HAL: variants seen among roughly 807,000 people sequenced by gnomAD.
HAL encodes the protein histidase.
Under a neutral mutation model 81.1 loss-of-function variants are expected in HAL, and 85 were observed. The ratio of observed to expected loss-of-function variants is 1.05; its 90% confidence interval spans 0.88 to 1.25. The LOEUF (loss-of-function observed/expected upper bound fraction) is 1.25. Among genes scored for constraint, HAL ranks in the 50% most tolerant of loss-of-function variants. HAL has a pLI of 0.00. For synonymous variants in HAL, 301 were observed against 309.2 expected (o/e 0.97, Z 0.28); for missense variants, 798 against 836.6 (o/e 0.95, Z 0.57).
In HAL at chr12:95,995,653, C is replaced by A. The variant is rs1435630417; in HGVS notation, c.247+11G>T. The stretch of plus-strand genomic sequence containing the variant: ...CGCACCCGTTCGCGGCCCTCTCCTG[C>A]AGCCACTCACCCACTTCCACGAACT... On this transcript the variant is annotated intron_variant, in intron 2 of 20. Coordinates refer to ENST00000261208, the MANE Select transcript of HAL (RefSeq NM_002108.4). 1.7e-5 allele frequency: 28 copies of A among 1,612,886 alleles called. No homozygotes were observed. Among genetic ancestry groups the A allele is most frequent in the Non-Finnish European group, 2.4e-5 (28 of 1,180,052 alleles).
At chr12:95,983,714 T>C in intron 15 of HAL, 197 bp downstream of exon 15, 1 of 610,710 alleles carries the variant, frequency 1.6e-6, no homozygotes, top group South Asian at 1.9e-5. Context: ...TGAGAGTAAG[T>C]TCACAGGTCA....
intron 20 of HAL, among the ~76,000 whole-genome samples, 172 bp from the exon 21 acceptor site, chr12:95,974,544 T>C (rs1193243956): frequency 1.3e-5 from 2 of 152,202 alleles, no homozygotes; most frequent in East Asian, 1.9e-4. Context: ...CAATTAGTCT[T>C]TGGTTGCATT....
intron 17 of HAL, among the ~76,000 whole-genome samples, chr12:95,979,547 T>C (rs2080766347): frequency 6.6e-6 from 1 of 152,196 alleles, no homozygotes. Context: ...ATCTAGCATC[T>C]ACGCATGTAA....
At chr12:95,980,954 A>G (rs1409799050) in intron 15 of HAL, 91 bp from the exon 16 acceptor site, 2 of 820,754 alleles carry the variant, frequency 2.4e-6, no homozygotes, top group Non-Finnish European at 2.2e-6. Flanking sequence ...TGGAGGTGGC[A>G]GTCTGTGTAC....
In HAL at chr12:95,993,990, TG is replaced by T. The variant is rs1179260644; in HGVS notation, c.419del (p.Pro140GlnfsTer14). On this transcript the variant is annotated frameshift_variant, in exon 6 of 21. Coordinates refer to ENST00000261208, the MANE Select transcript of HAL (RefSeq NM_002108.4). LOFTEE classifies it high-confidence loss of function. Reference protein sequence around the residue: ...GKGRYKIKLTPTAEKRVQKSR... With the variant: ...GKGRYKIKLTXTAEKRVQKSR... ...ATTTCTGCACCCTCTTCTCAGCTGT[TG>T]GGGTGAGCTAGGAAAATGTTGATCA... The T allele has an allele frequency of 1.2e-5, 19 of 1,611,692 alleles. No homozygotes were observed. The highest frequency in any genetic ancestry group is 1.6e-5 in the Non-Finnish European group (19 of 1,177,818).
chr12:95,986,420 T>A (rs1021997367), intron 12 of HAL, among the ~76,000 whole-genome samples: 2 of 152,120 alleles, frequency 1.3e-5, no homozygotes, highest in Non-Finnish European at 2.9e-5. Flanking sequence ...CCAGGGGTCC[T>A]TAGCCACCAC....
At position 95,978,014 on chromosome 12, in the gene HAL, C is replaced by T. The variant is rs115620008; in HGVS notation, c.1584G>A (p.Thr528=). 616 of 1,613,934 alleles carry T rather than the reference C, an allele frequency of 3.8e-4. 1 individual carries two copies. In the African/African-American group the frequency reaches 5.9e-3, roughly 16 times the overall value. The change falls in exon 18 of 21, where the codon ACG becomes ACA. Residue 528 remains threonine, a synonymous_variant. Coordinates refer to ENST00000261208, the MANE Select transcript of HAL (RefSeq NM_002108.4). ...ATCCTCCCATGGAGACGTGGTCCTC[C>T]GTGGCTGCGCTGGTGGAGAGGGAGT... ...SVDSLSTSAA[T]EDHVSMGGWA...
chr12:95,984,358 A>G (rs1949851126), intron 14 of HAL, among the ~76,000 whole-genome samples: 1 of 152,262 alleles, frequency 6.6e-6, no homozygotes, highest in East Asian at 1.9e-4. Flanking sequence ...GACTTAGAAA[A>G]GAGACAATAG....
rs1179260644 is a variant in HAL, at chr12:95,993,990, T to TG, written c.419dup (p.Thr141AsnfsTer3). ...ATTTCTGCACCCTCTTCTCAGCTGT[T>TG]GGGGTGAGCTAGGAAAATGTTGATC... On this transcript the variant is annotated frameshift_variant, in exon 6 of 21. Coordinates refer to ENST00000261208, the MANE Select transcript of HAL (RefSeq NM_002108.4). LOFTEE classifies it high-confidence loss of function. The TG allele has an allele frequency of 1.9e-6, 3 of 1,611,694 alleles. No homozygotes were observed. Among genetic ancestry groups the TG allele is most frequent in the Non-Finnish European group, 2.5e-6 (3 of 1,177,820 alleles).
intron 8 of HAL, among the ~76,000 whole-genome samples, 154 bp from the exon 9 acceptor site, chr12:95,992,959 C>A (rs1156416707): frequency 2.0e-5 from 3 of 151,310 alleles, no homozygotes; most frequent in African/African-American, 7.3e-5. Context: ...CTCCCTCCTG[C>A]CTGTCTGACT....
Position 95,973,840 on chromosome 12 carries a change from G to A in HAL, c.*392C>T, listed in dbSNP as rs796922923. On this transcript the variant is annotated 3_prime_UTR_variant, in exon 21 of 21. Coordinates refer to ENST00000261208, the MANE Select transcript of HAL (RefSeq NM_002108.4). The stretch of plus-strand genomic sequence containing the variant: ...AGCAAATTTAAAAAAAAAAAAAAAG[G>A]TTAACAAAAGTCTAATGTTTTTAGA... 63 of 155,722 alleles carry A rather than the reference G, an allele frequency of 4.0e-4. No individual in the cohort carries two copies. Among genetic ancestry groups the A allele is most frequent in the Non-Finnish European group, 5.8e-4 (42 of 72,964 alleles). 9.6% of individuals were successfully genotyped at this position (155,722 alleles called of 1,614,324 possible).
At chr12:95,983,302 C>T (rs1161675385) in intron 15 of HAL, among the ~76,000 whole-genome samples, 1 of 152,084 alleles carries the variant, frequency 6.6e-6, no homozygotes, top group Non-Finnish European at 1.5e-5. Flanking sequence ...GCAGGAGAAT[C>T]GCTTGAACCC....
intron 9 of HAL, among the ~76,000 whole-genome samples, chr12:95,991,119 TAAG>T (rs781223110): frequency 3.2e-4 from 49 of 152,104 alleles, no homozygotes; most frequent in Admixed American, 1.0e-3. Context: ...CCTAAATAAA[TAAG>T]AAGAAGGAAG....
Position 95,994,134 on chromosome 12 carries a change from T to G in HAL, c.367A>C (p.Thr123Pro). ...TTTCCCAAGTTGACCAGATCCTCCGTGGTCAGACGGTCTCCATCTAACTCG... is the reference window on the plus strand; with the variant it reads ...TTTCCCAAGTTGACCAGATCCTCCGGGGTCAGACGGTCTCCATCTAACTCG... Reference protein sequence around the residue: ...YIELDGDRLTTEDLVNLGKGR... With the variant: ...YIELDGDRLTPEDLVNLGKGR... The change falls in exon 5 of 21, where the codon ACG becomes CCG. Residue 123 changes from threonine to proline, a missense_variant. Coordinates refer to ENST00000261208, the MANE Select transcript of HAL (RefSeq NM_002108.4). 1 of 1,613,496 alleles carries G rather than the reference T, an allele frequency of 6.2e-7. No homozygotes were observed. The highest frequency in any genetic ancestry group is 8.5e-7 in the Non-Finnish European group (1 of 1,179,430).
Position 95,992,674 on chromosome 12 carries a change from C to A in HAL, c.715+6G>T. 1 of 1,610,568 alleles carries A rather than the reference C, an allele frequency of 6.2e-7. No individual in the cohort carries two copies. Among genetic ancestry groups the A allele is most frequent in the East Asian group, 2.2e-5 (1 of 44,824 alleles). On this transcript the variant is annotated splice_donor_region_variant and intron_variant, in intron 9 of 20. Coordinates refer to ENST00000261208, the MANE Select transcript of HAL (RefSeq NM_002108.4). ...AGAGGTTCCGTCTAGGGAGCCATTG[C>A]ATTACCATTAAACATTTCTATGACT...
chr12:95,983,563 C>G, intron 15 of HAL: 1 of 352,784 alleles, frequency 2.8e-6, no homozygotes, highest in Non-Finnish European at 5.3e-6. Context: ...TTGTGACCCA[C>G]GTCTTCACCC....
At chr12:95,981,404 C>G (rs1019590263) in intron 15 of HAL, among the ~76,000 whole-genome samples, 2 of 152,178 alleles carry the variant, frequency 1.3e-5, no homozygotes, top group African/African-American at 4.8e-5. Flanking sequence ...CCAATATGTC[C>G]TCATGAATCC....
intron 9 of HAL, 96 bp from the exon 10 acceptor site, chr12:95,990,628 T>G (rs890347734): frequency 6.1e-5 from 58 of 946,458 alleles, no homozygotes; most frequent in Admixed American, 1.2e-4. Flanking sequence ...GCAAACACCC[T>G]GCCTCCAATA....
intron 15 of HAL, among the ~76,000 whole-genome samples, chr12:95,981,881 T>C (rs1195577512): frequency 6.6e-6 from 1 of 152,230 alleles, no homozygotes; most frequent in Non-Finnish European, 1.5e-5. Context: ...TCAAGAATAT[T>C]CATTACCTAT....
Sources: allele counts gnomAD v4.1 joint callset (sites outside exome capture counted in the v4.1 genomes callset), GRCh38; gene constraint gnomAD v4.1.1; transcripts MANE v1.5; gene names NCBI Gene and HGNC (gene_info 2026-07-23, HGNC 2026-07-21).